The following RBFOX1 variants were observed in gnomAD, a reference collection of about 807,000 sequenced individuals.
RBFOX1 encodes the protein RNA binding fox-1 homolog 1, also known as RNA binding protein fox-1 homolog 1.
In RBFOX1, 8 loss-of-function variants were observed where a neutral mutation model predicts 57.7. That is an observed-to-expected ratio of 0.14 (90% CI 0.08 to 0.25). The LOEUF (loss-of-function observed/expected upper bound fraction) is 0.25. Ranked by LOEUF, RBFOX1 falls within the 10% of genes least tolerant of loss-of-function variation. The pLI is 1.00. For synonymous variants in RBFOX1, 326 were observed against 222.4 expected, an observed-to-expected ratio of 1.47 and a Z score of -4.15; for missense variants, 611 against 548.5, an observed-to-expected ratio of 1.11 and a Z score of -1.14.
At chr16:6,983,817 C>G (rs1228802626) in intron 3 of RBFOX1, 1 of 152,422 alleles carries the variant, frequency 6.6e-6, no homozygotes, top group Non-Finnish European at 1.5e-5. Flanking sequence ...TAGTGATGCC[C>G]TGTGGACAAG....
At chr16:7,451,217 G>T (rs558429166) in intron 4 of RBFOX1, among the ~76,000 whole-genome samples, 6 of 152,176 alleles carry the variant, frequency 3.9e-5, no homozygotes. Context: ...TTTTGGATGG[G>T]ACCTGATATA....
intron 1 of RBFOX1, among the ~76,000 whole-genome samples, chr16:6,279,325 C>T (rs747222229): frequency 1.3e-5 from 2 of 152,136 alleles, no homozygotes; most frequent in Non-Finnish European, 2.9e-5. Context: ...TATTAACTAG[C>T]ACGTACCAAG....
chr16:7,030,172 A>C (rs534909705), intron 3 of RBFOX1, among the ~76,000 whole-genome samples: 1 of 152,256 alleles, frequency 6.6e-6, no homozygotes, highest in African/African-American at 2.4e-5. Flanking sequence ...TTGTTCTGAG[A>C]TATGTCCTGA....
chr16:6,301,532 T>C (rs2078819645), intron 1 of RBFOX1, among the ~76,000 whole-genome samples: 1 of 152,182 alleles, frequency 6.6e-6, no homozygotes. Context: ...TGAGTAAAAT[T>C]AACTCCATGT....
At chr16:5,371,586 T>G (rs1325274111) in intron 1 of RBFOX1, among the ~76,000 whole-genome samples, 4 of 152,234 alleles carry the variant, frequency 2.6e-5, no homozygotes, top group Non-Finnish European at 5.9e-5. Context: ...TAATGAGTGC[T>G]TATGAACTGA....
intron 3 of RBFOX1, among the ~76,000 whole-genome samples, chr16:5,645,081 C>CAAA (rs55903936): frequency 6.9e-6 from 1 of 144,644 alleles, no homozygotes; most frequent in Non-Finnish European, 1.5e-5. Context: ...ACTAAAAATA[C>CAAA]AAAAAAAAAA....
At chr16:7,159,255 T>A (rs1467890416) in intron 4 of RBFOX1, among the ~76,000 whole-genome samples, 6 of 151,332 alleles carry the variant, frequency 4.0e-5, no homozygotes, top group African/African-American at 1.5e-4. Context: ...CCAAGAATCT[T>A]TTTTCAGTAG....
intron 1 of RBFOX1, among the ~76,000 whole-genome samples, chr16:5,432,289 G>C (rs2067762828): frequency 6.6e-6 from 1 of 151,540 alleles, no homozygotes. Context: ...GATGAAATGG[G>C]AAAAGGCAGG....
chr16:5,947,801 A>G lies in RBFOX1; in HGVS notation c.351+80466A>G, dbSNP rs138759926. ...GATACAGCTGCCCTTGGTATTCTTC[A>G]TGGTGATAATGGAAACCTAAGTTGC... On this transcript the variant is annotated intron_variant, in intron 4 of 19. Coordinates refer to the RBFOX1 transcript ENST00000641259. The surrounding 1 kb of genome is among the most constrained non-coding windows in gnomAD (Gnocchi z 7.2). 1.1e-4 allele frequency among the ~76,000 whole-genome samples: 17 copies of G among 152,296 alleles called. No individual in the cohort carries two copies. Among genetic ancestry groups the G allele is most frequent in the Non-Finnish European group, 8.8e-5 (6 of 68,042 alleles).
chr16:7,141,481 A>G (rs541266200), intron 4 of RBFOX1, among the ~76,000 whole-genome samples: 4 of 152,330 alleles, frequency 2.6e-5, no homozygotes, highest in East Asian at 3.9e-4. Flanking sequence ...GCAGCAGTCA[A>G]TGAGAGCATA....
At chr16:7,140,266 CTTTTTTTTTT>C (rs35683605) in intron 4 of RBFOX1, among the ~76,000 whole-genome samples, 1 of 48,800 alleles carries the variant, frequency 2.0e-5, no homozygotes, top group Non-Finnish European at 3.7e-5. Context: ...TTTTAAATGG[CTTTTTTTTTT>C]TTTTTTTTTT....
At chr16:7,572,611 G>A (rs916845909) in intron 5 of RBFOX1, among the ~76,000 whole-genome samples, 5 of 152,160 alleles carry the variant, frequency 3.3e-5, no homozygotes, top group South Asian at 2.1e-4. Flanking sequence ...AGGCTGAGGC[G>A]GGCGGATCAC....
At chr16:6,347,381 C>T (rs1320876785) in intron 2 of RBFOX1, among the ~76,000 whole-genome samples, 1 of 152,206 alleles carries the variant, frequency 6.6e-6, no homozygotes, top group African/African-American at 2.4e-5. Flanking sequence ...TGTGAACAAA[C>T]AGGCATGTTC....
intron 4 of RBFOX1, among the ~76,000 whole-genome samples, chr16:7,106,676 A>T (rs988610660): frequency 1.3e-5 from 2 of 152,030 alleles, no homozygotes; most frequent in Non-Finnish European, 2.9e-5. Flanking sequence ...CATTGTGGAA[A>T]TCCTACGATG....
chr16:7,499,382 C>T (rs993364359), intron 4 of RBFOX1, among the ~76,000 whole-genome samples: 2 of 152,168 alleles, frequency 1.3e-5, no homozygotes, highest in Non-Finnish European at 2.9e-5. Flanking sequence ...GGCATGACCT[C>T]ATCTTAACTA....
intron 4 of RBFOX1, among the ~76,000 whole-genome samples, chr16:7,091,093 A>G (rs112240409): frequency 2.0e-5 from 3 of 152,080 alleles, no homozygotes; most frequent in African/African-American, 7.2e-5. Flanking sequence ...CTCTACTACA[A>G]TAGGTATTTG....
intron 1 of RBFOX1, among the ~76,000 whole-genome samples, chr16:6,241,412 A>T (rs1420954942): frequency 6.6e-6 from 1 of 152,196 alleles, no homozygotes; most frequent in Non-Finnish European, 1.5e-5. Flanking sequence ...TACTTAATAA[A>T]TTGTCAAAAA....
At chr16:6,963,092 C>A (rs900615268) in intron 3 of RBFOX1, among the ~76,000 whole-genome samples, 5 of 152,112 alleles carry the variant, frequency 3.3e-5, no homozygotes, top group Non-Finnish European at 5.9e-5. Context: ...CTTCCCTCTC[C>A]TTTACTGAGG....
At chr16:6,848,545 AAAAAG>A (rs760975617) in intron 3 of RBFOX1, among the ~76,000 whole-genome samples, 36 of 152,144 alleles carry the variant, frequency 2.4e-4, no homozygotes, top group Non-Finnish European at 4.6e-4. Context: ...GGATATATAG[AAAAAG>A]AAAAGAAGAG....
Sources: allele counts gnomAD v4.1 joint callset (sites outside exome capture counted in the v4.1 genomes callset), GRCh38; gene constraint gnomAD v4.1.1; non-coding constraint Gnocchi (gnomAD v3.1); transcripts MANE v1.5; gene names NCBI Gene and HGNC (gene_info 2026-07-23, HGNC 2026-07-21).